ZBTB4: variants seen among roughly 807,000 people sequenced by gnomAD.
ZBTB4 encodes zinc finger and BTB domain containing 4, also known as zinc finger and BTB domain-containing protein 4.
ZBTB4 carries 14 observed loss-of-function variants against 59.8 expected under a neutral mutation model. The ratio of observed to expected loss-of-function variants is 0.23; its 90% CI spans 0.15 to 0.37. The LOEUF (loss-of-function observed/expected upper bound fraction) is 0.37. Ranked by LOEUF, ZBTB4 falls within the 10% of genes least tolerant of loss-of-function variation. ZBTB4 has a pLI of 1.00. For missense variants in ZBTB4, 1,198 were observed against 1,380.8 expected, an observed-to-expected ratio of 0.87 and a Z score of 2.10; for synonymous variants, 587 against 575.2, an observed-to-expected ratio of 1.02 and a Z score of -0.29.
At chr17:7,464,557 G>A (rs2070085302) in intron 3 of ZBTB4, among the ~76,000 whole-genome samples, 1 of 151,940 alleles carries the variant, frequency 6.6e-6, no homozygotes, top group South Asian at 2.1e-4. Flanking sequence ...GCTTGTAGAG[G>A]CTGAGCGCAG....
chr17:7,462,504 T>C lies in ZBTB4; in HGVS notation c.2478A>G (p.Ser826=), dbSNP rs1194389709. ...TCCCGCCACCTGCCTCACCGCTGGA[T>C]GAGGAGACTTGCATCTCTTGGGGGG... ...EEAPQEMQVS[S]SSGEAGGGST... The change falls in exon 4 of 4, where the codon TCA becomes TCG. Residue 826 remains serine, a synonymous_variant. Coordinates refer to ENST00000380599, the MANE Select transcript of ZBTB4 (RefSeq NM_001128833.2). This position sits in a 1 kb window ranked among gnomAD's most constrained non-coding sequence, Gnocchi z 7.5. 1.2e-6 allele frequency: 2 copies of C among 1,614,012 alleles called. No homozygotes were observed. Among genetic ancestry groups the C allele is most frequent in the Non-Finnish European group, 8.5e-7 (1 of 1,180,008 alleles).
At chr17:7,464,993 A>G (rs1049104392) in intron 3 of ZBTB4, among the ~76,000 whole-genome samples, 7 of 150,356 alleles carry the variant, frequency 4.7e-5, no homozygotes, top group Non-Finnish European at 1.0e-4. Flanking sequence ...CGTCTCTACT[A>G]AAAATACAAA....
rs764877991 is a variant in ZBTB4 at position 7,463,548 on chromosome 17, G to A, written c.1434C>T (p.Ala478=). ...TGCCCCCATGGACAATGACAGAGGGGGCTGGGTGGGCAAAAGTGATGACAG... is the reference window on the plus strand; with the variant it reads ...TGCCCCCATGGACAATGACAGAGGGAGCTGGGTGGGCAAAAGTGATGACAG... ...PPSVITFAHP[A]PSVIVHGGSS... Residue 478 remains alanine, a synonymous_variant, in exon 4 of 4, where the codon GCC becomes GCT. Coordinates refer to ENST00000380599, the MANE Select transcript of ZBTB4 (RefSeq NM_001128833.2). 3.8e-6 allele frequency: 6 copies of A among 1,588,666 alleles called. No individual in the cohort carries two copies. Among genetic ancestry groups the A allele is most frequent in the East Asian group, 2.2e-5 (1 of 44,696 alleles).
intron 3 of ZBTB4, 120 bp from the exon 4 acceptor site, chr17:7,464,010 C>A: frequency 3.4e-6 from 5 of 1,474,450 alleles, no homozygotes; most frequent in Non-Finnish European, 4.5e-6. Context: ...CCTTGTGCTG[C>A]CTCCCTCACC....
At chr17:7,467,049 T>G (rs761088151) in intron 2 of ZBTB4, 2 of 729,354 alleles carry the variant, frequency 2.7e-6, no homozygotes, top group Non-Finnish European at 3.4e-6. Flanking sequence ...CCTCAGGTCA[T>G]GGTGAAGGTC....
Position 7,466,532 on chromosome 17 carries a change from AGAG to A in ZBTB4, c.267_269del (p.Ser100del), listed in dbSNP as rs748082585. On this transcript the variant is annotated inframe_deletion, in exon 3 of 4. Transcript: ENST00000380599. This position sits in a 1 kb window ranked among gnomAD's most constrained non-coding sequence, Gnocchi z 9.1. ...AGGAAGAAGAGGAAGAAGACGAGGAAGAGGAGGAGGAGGAAGAGGCAGCTGTGG... is the reference window on the plus strand; with the variant it reads ...AGGAAGAAGAGGAAGAAGACGAGGAAGAGGAGGAGGAAGAGGCAGCTGTGG... The A allele has an allele frequency of 1.8e-5, 29 of 1,611,262 alleles. No homozygotes were observed. The highest frequency in any genetic ancestry group is 7.7e-5 in the South Asian group (7 of 90,792).
At chr17:7,469,451 C>T (rs2070169446) in intron 1 of ZBTB4, among the ~76,000 whole-genome samples, 1 of 151,236 alleles carries the variant, frequency 6.6e-6, no homozygotes, top group Admixed American at 6.6e-5. Context: ...TGGGCGTGAG[C>T]CTCCATGCCT....
At chr17:7,480,339 A>G (rs111758609), upstream of ZBTB4, among the ~76,000 whole-genome samples, 734 of 152,346 alleles carry the variant, frequency 4.8e-3, 9 homozygotes, top group African/African-American at 0.017. Flanking sequence ...GAAACTCCAC[A>G]GGGACAATCC....
intron 1 of ZBTB4, among the ~76,000 whole-genome samples, chr17:7,468,539 C>T (rs1253560218): frequency 6.6e-6 from 1 of 152,172 alleles, no homozygotes; most frequent in African/African-American, 2.4e-5. Context: ...CCAGACTTAT[C>T]CAAAGTCACA....
rs979794882 is a variant in ZBTB4, at chr17:7,471,924, T to C, written c.-80-4597A>G. On this transcript the variant is annotated intron_variant, in intron 1 of 3. Coordinates refer to ENST00000380599, the MANE Select transcript of ZBTB4 (RefSeq NM_001128833.2). ...TTTTTTATTTGTTTGTTCTTACCAT[T>C]TCTCTACTCTTCAGTGCCTGTGTGA... 2.0e-5 allele frequency among the ~76,000 whole-genome samples: 3 copies of C among 152,276 alleles called. No homozygotes were observed. The South Asian group carries it at 6.2e-4, about 32-fold the overall frequency.
chr17:7,466,016 C>A lies in ZBTB4; in HGVS notation c.786G>T (p.Thr262=), dbSNP rs77402887. The A allele has an allele frequency of 4.0e-4, 638 of 1,607,744 alleles. 2 individuals carry two copies. In the African/African-American group the frequency reaches 7.2e-3, roughly 18 times the overall value. Residue 262 remains threonine (T), a synonymous_variant, in exon 3 of 4, where the codon ACG becomes ACT. Transcript: ENST00000380599. The surrounding 1 kb of genome is among the most constrained non-coding windows in gnomAD (Gnocchi z 9.1). The part of the protein sequence containing the change: ...HEAQCRRGAS[T]RGSTGLGAGG... The stretch of plus-strand genomic sequence containing the variant: ...CAGCTCCCAGCCCTGTAGACCCCCG[C>A]GTGCTGGCCCCTCGTCGGCACTGGG...
chr17:7,468,575 C>T (rs967067882), intron 1 of ZBTB4, among the ~76,000 whole-genome samples: 4 of 152,164 alleles, frequency 2.6e-5, no homozygotes, highest in African/African-American at 7.2e-5. Flanking sequence ...CAGGCGGCAC[C>T]TATTTAGAGA....
chr17:7,482,693 G>C (rs746982700), upstream of ZBTB4: 9 of 1,612,048 alleles, frequency 5.6e-6, no homozygotes, highest in South Asian at 5.5e-5. Context: ...CTCTGTGCCA[G>C]GCCTCTTTGT....
chr17:7,482,207 T>C, upstream of ZBTB4: 2 of 1,614,018 alleles, frequency 1.2e-6, no homozygotes, highest in Non-Finnish European at 1.7e-6. Context: ...GCTGCTCATC[T>C]GTCGATGCCT....
Position 7,462,871 on chromosome 17 carries a change from C to T in ZBTB4, c.2111G>A (p.Arg704Gln), listed in dbSNP as rs140221380. 6.2e-6 allele frequency: 10 copies of T among 1,606,276 alleles called. No homozygotes were observed. Among genetic ancestry groups the T allele is most frequent in the Admixed American group, 1.7e-5 (1 of 59,990 alleles). ...CGCTGGGGTTTCCTCCCAGCTCCTC[C>T]GTTCCAGCTTCTGCCTCCAACGTGG... ...RPPRWRQKLE[R>Q]RSWEETPAAE... The change falls in exon 4 of 4, where the codon CGG becomes CAG. Residue 704 changes from arginine (R) to glutamine (Q), a missense_variant. Around this residue, in one of 9 missense-constraint regions of ZBTB4, gnomAD observed 550 missense variants for 541.8 expected, o/e 1.02. Transcript: ENST00000380599. The surrounding 1 kb of genome is among the most constrained non-coding windows in gnomAD (Gnocchi z 7.5).
Position 7,466,661 on chromosome 17 carries a change from G to C in ZBTB4, c.141C>G (p.Val47=), listed in dbSNP as rs752239543. 1 of 1,613,514 alleles carries C rather than the reference G, an allele frequency of 6.2e-7. No individual in the cohort carries two copies. The change falls in exon 3 of 4, where the codon GTC becomes GTG. Residue 47 remains valine (V), a synonymous_variant. Transcript: ENST00000380599. The surrounding 1 kb of genome is among the most constrained non-coding windows in gnomAD (Gnocchi z 9.1). ...TGAAGAAGGGACTTGAAGCAGCCAGGACGCTGCGGTGAGCAGGGAACTTGG... is the reference window on the plus strand; with the variant it reads ...TGAAGAAGGGACTTGAAGCAGCCAGCACGCTGCGGTGAGCAGGGAACTTGG... ...GDTKFPAHRS[V]LAASSPFFRE...
chr17:7,483,175 G>A (rs565534557), upstream of ZBTB4: 1,307 of 1,260,220 alleles, frequency 1.0e-3, 24 homozygotes, highest in South Asian at 0.019. Flanking sequence ...GAAGACCTGG[G>A]GCCAGCCTGG....
At chr17:7,474,196 C>T (rs1245828678) in intron 1 of ZBTB4, among the ~76,000 whole-genome samples, 1 of 147,440 alleles carries the variant, frequency 6.8e-6, no homozygotes, top group Non-Finnish European at 1.5e-5. Flanking sequence ...GCTGGAATTA[C>T]AGGCATGAGC....
chr17:7,473,870 G>T (rs1239767748), intron 1 of ZBTB4, among the ~76,000 whole-genome samples: 1 of 151,800 alleles, frequency 6.6e-6, no homozygotes, highest in East Asian at 1.9e-4. Flanking sequence ...ATTTATCTCT[G>T]GAATGTAAGC....
Sources: allele counts gnomAD v4.1 joint callset (sites outside exome capture counted in the v4.1 genomes callset), GRCh38; gene constraint gnomAD v4.1.1; regional missense constraint gnomAD v4.1.1; non-coding constraint Gnocchi (gnomAD v3.1); transcripts MANE v1.5; gene names NCBI Gene and HGNC (gene_info 2026-07-23, HGNC 2026-07-21).